SULT1B1: variants seen among roughly 807,000 people sequenced by gnomAD.
SULT1B1 encodes sulfotransferase family 1B member 1, also known as sulfotransferase 1B1.
In SULT1B1, 28 loss-of-function variants were observed where a neutral mutation model predicts 34.6. The observed-to-expected ratio is 0.81, with a 90% confidence interval of 0.60 to 1.11. SULT1B1 has a LOEUF of 1.11. Ranked by LOEUF, SULT1B1 falls within the 50% of genes least tolerant of loss-of-function variation. The probability of loss-of-function intolerance (pLI) is 0.00; values close to 1 mark genes in which losing one functional copy is unlikely to be tolerated. For missense variants in SULT1B1, 374 were observed against 352.2 expected, an observed-to-expected ratio of 1.06 and a Z score of -0.50; for synonymous variants, 147 against 110.2, an observed-to-expected ratio of 1.33 and a Z score of -2.09.
At chr4:69,735,100 GA>G (rs1243454471) in intron 4 of SULT1B1, among the ~76,000 whole-genome samples, 1 of 152,174 alleles carries the variant, frequency 6.6e-6, no homozygotes, top group African/African-American at 2.4e-5. Flanking sequence ...TTACAGGCAT[GA>G]ACCATCGTGC....
intron 6 of SULT1B1, among the ~76,000 whole-genome samples, chr4:69,732,645 G>A (rs1718128117): frequency 6.6e-6 from 1 of 151,632 alleles, no homozygotes; most frequent in African/African-American, 2.4e-5. Flanking sequence ...TTGTGTGTAT[G>A]TCTGTGTGTA....
intron 4 of SULT1B1, among the ~76,000 whole-genome samples, chr4:69,738,222 G>A (rs1028771813): frequency 2.0e-5 from 3 of 152,100 alleles, no homozygotes; most frequent in East Asian, 1.9e-4. Flanking sequence ...GTAGTATTCC[G>A]TGGTGTATAC....
At chr4:69,750,144 G>A (rs1718922859) in intron 3 of SULT1B1, among the ~76,000 whole-genome samples, 2 of 152,016 alleles carry the variant, frequency 1.3e-5, no homozygotes, top group African/African-American at 2.4e-5. Flanking sequence ...TAATAATTTG[G>A]AGTTTTATTA....
rs1304326738 is a variant in SULT1B1 at position 69,735,421 on chromosome 4, G to A, written c.376-1157C>T. ...GAATTCCAAACTCTGCTCCACACCC[G>A]GGTCTCTGTAGGTGAGCTAACTCAC... On this transcript the variant is annotated intron_variant, in intron 4 of 7. Coordinates refer to ENST00000310613, the MANE Select transcript of SULT1B1 (RefSeq NM_014465.4). Among the ~76,000 whole-genome samples, 6 of 152,310 alleles carry A rather than the reference G, an allele frequency of 3.9e-5. No homozygotes were observed. In the South Asian group the frequency reaches 8.3e-4, roughly 21 times the overall value.
rs776188911 is a variant in SULT1B1 at position 69,734,172 on chromosome 4, C to G, written c.468G>C (p.Trp156Cys). ...TTAAGAATTTCTCCAGATATTCTTC[C>G]CAGGTACCAGGAAAAGGCTGTAAAT... ...MNNLQPFPGT[W>C]EEYLEKFLTG... Residue 156 changes from tryptophan (W) to cysteine (C), a missense_variant, in exon 5 of 8, where the codon TGG (tryptophan) becomes TGC (cysteine). By Grantham distance (215) the Trp-to-Cys change is radical. Transcript: ENST00000310613. 1 of 1,611,414 alleles carries G rather than the reference C, an allele frequency of 6.2e-7. No individual in the cohort carries two copies. Among genetic ancestry groups the G allele is most frequent in the Admixed American group, 1.7e-5 (1 of 59,824 alleles).
In SULT1B1 at chr4:69,734,274, G is replaced by C; in HGVS notation, c.376-10C>G. The C allele has an allele frequency of 6.2e-7, 1 of 1,607,350 alleles. No homozygotes were observed. Among genetic ancestry groups the C allele is most frequent in the East Asian group, 2.3e-5 (1 of 44,432 alleles). On this transcript the variant is annotated splice_polypyrimidine_tract_variant and intron_variant, in intron 4 of 7. Transcript: ENST00000310613. ...GAGCCAGATAAATCATCTGCAGTGG[G>C]GGGTGGGGGTAGGAGAAAAAAATAA...
At chr4:69,734,309 C>G in intron 4 of SULT1B1, 45 bp from the exon 5 acceptor site, 1 of 1,579,388 alleles carries the variant, frequency 6.3e-7, no homozygotes, top group South Asian at 1.2e-5. Flanking sequence ...AGATAAAAGA[C>G]ATTTTGTTTA....
intron 3 of SULT1B1, among the ~76,000 whole-genome samples, chr4:69,751,658 T>G (rs1718988414): frequency 6.6e-6 from 1 of 152,148 alleles, no homozygotes; most frequent in African/African-American, 2.4e-5. Context: ...TTCACCGTGT[T>G]AGCCAGGACT....
rs181171475 is a variant in SULT1B1 at position 69,730,371 on chromosome 4, T to C, written c.778+130A>G. On this transcript the variant is annotated intron_variant, in intron 7 of 7. Transcript: ENST00000310613. ...TAATAATTTTGAATCTCAGCAACTT[T>C]TGGTGGTAGGTATTTGCTATAAAGC... 2.5e-4 allele frequency: 168 copies of C among 680,988 alleles called. 1 individual carries two copies. The East Asian group carries it at 4.6e-3, about 19-fold the overall frequency. The allele number at this position is 680,988 out of a possible 1,614,324, so 42.2% of individuals were successfully genotyped here.
chr4:69,744,346 T>A (rs923200802), intron 4 of SULT1B1, among the ~76,000 whole-genome samples: 1 of 152,264 alleles, frequency 6.6e-6, no homozygotes, highest in Non-Finnish European at 1.5e-5. Flanking sequence ...CAGTGGAGGC[T>A]CTGGACCTGG....
intron 1 of SULT1B1, among the ~76,000 whole-genome samples, 152 bp from the exon 2 acceptor site, chr4:69,755,413 G>A (rs2110032431): frequency 6.6e-6 from 1 of 152,286 alleles, no homozygotes; most frequent in East Asian, 1.9e-4. Context: ...ATTAGGTGCA[G>A]TAGATTGCAA....
At chr4:69,758,703 A>G (rs1719283533) in intron 1 of SULT1B1, among the ~76,000 whole-genome samples, 1 of 152,216 alleles carries the variant, frequency 6.6e-6, no homozygotes, top group African/African-American at 2.4e-5. Flanking sequence ...TGCTAAAATT[A>G]TATAGACAAA....
intron 6 of SULT1B1, among the ~76,000 whole-genome samples, chr4:69,732,519 T>C (rs1481330795): frequency 6.6e-6 from 1 of 152,074 alleles, no homozygotes; most frequent in African/African-American, 2.4e-5. Context: ...TATTAAGTAC[T>C]GGGATGTAGT....
intron 7 of SULT1B1, among the ~76,000 whole-genome samples, chr4:69,729,965 A>G (rs1718003487): frequency 1.3e-5 from 2 of 152,148 alleles, no homozygotes; most frequent in African/African-American, 4.8e-5. Flanking sequence ...ATATTCTTCT[A>G]AGTTAAATTT....
At chr4:69,756,112 C>G (rs796370237) in intron 1 of SULT1B1, among the ~76,000 whole-genome samples, 1 of 152,076 alleles carries the variant, frequency 6.6e-6, no homozygotes, top group South Asian at 2.1e-4. Flanking sequence ...TAGTTTTAAT[C>G]TCTGGCTGTT....
Position 69,726,920 on chromosome 4 carries a change from A to C in SULT1B1, c.*168T>G, listed in dbSNP as rs4149417. 26,496 of 480,286 alleles carry C rather than the reference A, an allele frequency of 0.055. 907 individuals are homozygous for C. Among genetic ancestry groups the C allele is most frequent in the East Asian group, 0.087 (2,428 of 28,068 alleles). The allele number at this position is 480,286 out of a possible 1,614,324, so 29.8% of individuals were successfully genotyped here. A position where few individuals can be genotyped will look rare whatever the true frequency, so the allele number is the denominator to read the frequency against. The stretch of plus-strand genomic sequence containing the variant: ...AGAGAATTTGGAAACTCAGAATCAA[A>C]GGAACAAAACTGGGATCTGATTAAT... On this transcript the variant is annotated 3_prime_UTR_variant, in exon 8 of 8. Coordinates refer to ENST00000310613, the MANE Select transcript of SULT1B1 (RefSeq NM_014465.4).
chr4:69,752,745 G>A (rs938045230), intron 3 of SULT1B1, among the ~76,000 whole-genome samples: 1 of 152,150 alleles, frequency 6.6e-6, no homozygotes, highest in Admixed American at 6.6e-5. Flanking sequence ...GCCTGCTGAG[G>A]GGCACCTCCA....
rs147108722 is a variant in SULT1B1 at position 69,728,683 on chromosome 4, C to G, written c.779-1483G>C. 4.6e-3 allele frequency among the ~76,000 whole-genome samples: 702 copies of G among 151,800 alleles called. 5 individuals are homozygous for G. The highest frequency in any genetic ancestry group is 0.016 in the African/African-American group (671 of 41,438). ...AAGAATGGAAGGAAGGAAGGAAGGT[C>G]AAACTATTTAGACTAATAATGCTTT... is the stretch of plus-strand genomic sequence containing the variant. On this transcript the variant is annotated intron_variant, in intron 7 of 7. Transcript: ENST00000310613.
chr4:69,734,547 C>A (rs773803734), intron 4 of SULT1B1, among the ~76,000 whole-genome samples: 8 of 152,082 alleles, frequency 5.3e-5, no homozygotes, highest in Non-Finnish European at 8.8e-5. Context: ...ACCACTGTGG[C>A]TTCTGGAAGA....
Sources: gnomAD v4.1 joint callset for allele counts (sites outside exome capture counted in the v4.1 genomes callset) on GRCh38, gnomAD v4.1.1 for gene constraint, MANE v1.5 for transcripts, NCBI Gene and HGNC (gene_info 2026-07-23, HGNC 2026-07-21) for gene names.